Variants in SGCE observed in about 807,000 individuals in gnomAD.
SGCE encodes the protein sarcoglycan epsilon.
Under a neutral mutation model 57.8 loss-of-function variants are expected in SGCE, and 26 were observed. The observed-to-expected ratio is 0.45, with a 90% CI of 0.33 to 0.62. SGCE has a LOEUF of 0.62. Among genes scored for constraint, SGCE ranks in the 20% least tolerant of loss-of-function variants. SGCE has a pLI of 0.02. For missense variants in SGCE, 468 were observed against 548.6 expected (o/e 0.85, Z 1.47); for synonymous variants, 183 against 189.5 (o/e 0.97, Z 0.28).
At chr7:94,639,272 A>G in intron 1 of SGCE, 1 of 960,134 alleles carries the variant, frequency 1.0e-6, no homozygotes, top group Non-Finnish European at 1.6e-6. Flanking sequence ...TAAAAAAGGG[A>G]AGAGACTATT....
At chr7:94,640,234 T>C (rs1365142968) in intron 1 of SGCE, among the ~76,000 whole-genome samples, 3 of 152,150 alleles carry the variant, frequency 2.0e-5, no homozygotes, top group Admixed American at 6.5e-5. Context: ...TAGGTGAAAC[T>C]ATCTGAGAAG....
intron 5 of SGCE, among the ~76,000 whole-genome samples, chr7:94,609,149 T>C (rs1354907541): frequency 2.0e-5 from 3 of 152,208 alleles, no homozygotes; most frequent in South Asian, 2.1e-4. Flanking sequence ...AGGAAATATT[T>C]GCAAAATGCA....
At chr7:94,636,671 T>C (rs1452355336) in intron 1 of SGCE, among the ~76,000 whole-genome samples, 1 of 152,196 alleles carries the variant, frequency 6.6e-6, no homozygotes, top group Non-Finnish European at 1.5e-5. Flanking sequence ...TTGTAACCAC[T>C]TACTGGGTGC....
chr7:94,653,633 GTTTTA>G (rs1808187309), intron 1 of SGCE, among the ~76,000 whole-genome samples: 2 of 151,860 alleles, frequency 1.3e-5, no homozygotes, highest in Non-Finnish European at 2.9e-5. Context: ...TTATCTTTCT[GTTTTA>G]TTTTTAGTAT....
chr7:94,601,709 G>A (rs1799301235), intron 6 of SGCE, among the ~76,000 whole-genome samples: 1 of 151,996 alleles, frequency 6.6e-6, no homozygotes, highest in South Asian at 2.1e-4. Context: ...TACAGTGTTA[G>A]TAAAAACTTT....
At chr7:94,602,229 A>C (rs1484628069) in intron 6 of SGCE, among the ~76,000 whole-genome samples, 2 of 152,210 alleles carry the variant, frequency 1.3e-5, no homozygotes, top group South Asian at 2.1e-4. Flanking sequence ...TGATTGAACA[A>C]ATTTTCCTAT....
chr7:94,591,055 T>C (rs1226459648), intron 9 of SGCE, among the ~76,000 whole-genome samples: 1 of 152,208 alleles, frequency 6.6e-6, no homozygotes, highest in Non-Finnish European at 1.5e-5. Context: ...ACGATTATAT[T>C]CGTTTTTATT....
intron 10 of SGCE, among the ~76,000 whole-genome samples, chr7:94,585,804 A>C (rs1180929115): frequency 6.6e-6 from 1 of 152,136 alleles, no homozygotes; most frequent in Non-Finnish European, 1.5e-5. Flanking sequence ...ATGGAGGTTA[A>C]CTGCAGGATG....
At chr7:94,636,309 G>A (rs1805588243) in intron 1 of SGCE, among the ~76,000 whole-genome samples, 1 of 152,164 alleles carries the variant, frequency 6.6e-6, no homozygotes, top group Non-Finnish European at 1.5e-5. Flanking sequence ...GTCTGGGCAT[G>A]CCAAATATAT....
intron 5 of SGCE, among the ~76,000 whole-genome samples, chr7:94,615,237 T>C (rs898448517): frequency 3.3e-5 from 5 of 152,072 alleles, no homozygotes; most frequent in Admixed American, 6.5e-5. Flanking sequence ...CAGGTGCCTG[T>C]AATCTCAGCT....
At chr7:94,602,337 A>C (rs17166376) in intron 6 of SGCE, among the ~76,000 whole-genome samples, 20,236 of 152,126 alleles carry the variant, frequency 0.13, 4,431 homozygotes, top group African/African-American at 0.46. Context: ...AGGCATGAGA[A>C]GGAGAGTTCA....
intron 3 of SGCE, chr7:94,625,738 T>A (rs1052262445): frequency 1.3e-5 from 2 of 152,238 alleles, no homozygotes. Flanking sequence ...ACTATTGCTC[T>A]GAACATTCAC....
chr7:94,655,024 A>C (rs1418494679), intron 1 of SGCE, among the ~76,000 whole-genome samples: 2 of 152,340 alleles, frequency 1.3e-5, no homozygotes, highest in Middle Eastern at 3.4e-3. Flanking sequence ...CAGCCACTGC[A>C]ATTTTCCCTG....
At chr7:94,648,376 C>CAAAAAAAAAAAAAAAAAAAAAAAAA (rs71123907) in intron 1 of SGCE, among the ~76,000 whole-genome samples, 1 of 65,080 alleles carries the variant, frequency 1.5e-5, no homozygotes, top group South Asian at 7.3e-4. Flanking sequence ...ACTCTGTCTC[C>CAAAAAAAAAAAAAAAAAAAAAAAAA]AAAAAAAAAA....
chr7:94,645,078 T>A (rs1806875838), intron 1 of SGCE, among the ~76,000 whole-genome samples: 1 of 152,200 alleles, frequency 6.6e-6, no homozygotes, highest in Non-Finnish European at 1.5e-5. Flanking sequence ...GTCTTATGTT[T>A]ACTAAGTGGC....
intron 5 of SGCE, among the ~76,000 whole-genome samples, chr7:94,605,413 T>A (rs1222401818): frequency 6.6e-6 from 1 of 150,564 alleles, no homozygotes; most frequent in East Asian, 1.9e-4. Context: ...AACAGATAAC[T>A]TGTTTAAAAT....
intron 1 of SGCE, among the ~76,000 whole-genome samples, chr7:94,649,444 C>A (rs925099527): frequency 1.3e-5 from 2 of 152,236 alleles, no homozygotes; most frequent in African/African-American, 4.8e-5. Context: ...ACTTCCAAAG[C>A]AGGGGAGCCA....
At chr7:94,625,282 C>A (rs370850479) in intron 3 of SGCE, 17 of 151,798 alleles carry the variant, frequency 1.1e-4, no homozygotes, top group East Asian at 9.7e-4. Context: ...AAATACTATA[C>A]CTGTTACTAT....
chr7:94,654,164 T>G (rs1808269758), intron 1 of SGCE, among the ~76,000 whole-genome samples: 1 of 152,140 alleles, frequency 6.6e-6, no homozygotes, highest in Admixed American at 6.5e-5. Context: ...CTCCTGAATT[T>G]TGTACAATGA....
Sources: allele counts gnomAD v4.1 joint callset (sites outside exome capture counted in the v4.1 genomes callset), GRCh38; gene constraint gnomAD v4.1.1; transcripts MANE v1.5; gene names NCBI Gene and HGNC (gene_info 2026-07-23, HGNC 2026-07-21).